SPOCK3: variants seen among roughly 807,000 people sequenced by gnomAD.
SPOCK3 encodes the protein testican-3.
In SPOCK3, 30 loss-of-function variants were observed where a neutral mutation model predicts 56.6. That is an observed-to-expected ratio of 0.53 (90% CI 0.40 to 0.72). The LOEUF is 0.72. Among genes scored for constraint, SPOCK3 ranks in the 30% least tolerant of loss-of-function variants. The probability of loss-of-function intolerance (pLI) is 0.00; values close to 1 mark genes in which losing one functional copy is unlikely to be tolerated. For missense variants in SPOCK3, 527 were observed against 530.0 expected, an observed-to-expected ratio of 0.99 and a Z score of 0.06; for synonymous variants, 196 against 183.3, an observed-to-expected ratio of 1.07 and a Z score of -0.56.
chr4:166,825,616 GCAAAAACA>G (rs1745381063), intron 6 of SPOCK3, among the ~76,000 whole-genome samples: 1 of 152,020 alleles, frequency 6.6e-6, no homozygotes, highest in South Asian at 2.1e-4. Context: ...ATTCACAATT[GCAAAAACA>G]TGGAACCAGT....
chr4:166,931,141 C>T (rs1055900004), intron 4 of SPOCK3, among the ~76,000 whole-genome samples: 5 of 152,158 alleles, frequency 3.3e-5, no homozygotes, highest in Admixed American at 6.5e-5. Context: ...GCCACCACGC[C>T]CAGCTAATTT....
chr4:167,012,898 G>A (rs1330812129), intron 3 of SPOCK3, among the ~76,000 whole-genome samples: 2 of 152,088 alleles, frequency 1.3e-5, no homozygotes, highest in East Asian at 3.9e-4. Flanking sequence ...CTTGCCAGAT[G>A]TTATAATGAA....
chr4:166,888,444 G>A (rs1560975233), intron 6 of SPOCK3, among the ~76,000 whole-genome samples: 1 of 151,940 alleles, frequency 6.6e-6, no homozygotes, highest in African/African-American at 2.4e-5. Context: ...GAGGTGCTGA[G>A]GGCTGGAGCT....
chr4:167,119,153 A>T (rs954828502), intron 2 of SPOCK3, among the ~76,000 whole-genome samples: 1 of 150,338 alleles, frequency 6.7e-6, no homozygotes, highest in Admixed American at 6.7e-5. Context: ...AGGGGGGGGA[A>T]CACCATTTCC....
At chr4:167,091,354 C>T (rs1036434710) in intron 2 of SPOCK3, among the ~76,000 whole-genome samples, 3 of 152,124 alleles carry the variant, frequency 2.0e-5, no homozygotes, top group Non-Finnish European at 4.4e-5. Context: ...TATGTAGGAT[C>T]AGAGATTTTG....
At chr4:167,051,420 C>A (rs1754188316) in intron 3 of SPOCK3, among the ~76,000 whole-genome samples, 1 of 152,106 alleles carries the variant, frequency 6.6e-6, no homozygotes, top group Non-Finnish European at 1.5e-5. Flanking sequence ...AATATTGTTT[C>A]TTTCTTTGTT....
intron 6 of SPOCK3, among the ~76,000 whole-genome samples, chr4:166,830,866 C>T (rs1329961346): frequency 2.0e-5 from 3 of 152,232 alleles, no homozygotes; most frequent in Admixed American, 1.3e-4. Flanking sequence ...AGAACTTCCT[C>T]AAGGAAGAAA....
At chr4:166,741,757 TTC>T (rs1319057191) in intron 9 of SPOCK3, among the ~76,000 whole-genome samples, 2 of 152,178 alleles carry the variant, frequency 1.3e-5, no homozygotes, top group African/African-American at 4.8e-5. Flanking sequence ...GCTTAAATCT[TTC>T]TTTTTACTTA....
At chr4:167,083,873 C>G (rs572412499) in intron 2 of SPOCK3, among the ~76,000 whole-genome samples, 1 of 152,074 alleles carries the variant, frequency 6.6e-6, no homozygotes, top group Non-Finnish European at 1.5e-5. Flanking sequence ...TGTTATGTTA[C>G]ATTTTTCTAC....
At chr4:167,212,722 C>G (rs539721207) in intron 2 of SPOCK3, among the ~76,000 whole-genome samples, 12 of 152,166 alleles carry the variant, frequency 7.9e-5, no homozygotes, top group African/African-American at 2.9e-4. Flanking sequence ...ATTTCTCCAC[C>G]CACTACATCA....
At chr4:166,919,944 T>C (rs1738306719) in intron 4 of SPOCK3, among the ~76,000 whole-genome samples, 1 of 152,186 alleles carries the variant, frequency 6.6e-6, no homozygotes, top group Non-Finnish European at 1.5e-5. Flanking sequence ...TAAGGTTAGA[T>C]TTACATGTAT....
chr4:167,213,079 C>T (rs1580646131), intron 2 of SPOCK3, among the ~76,000 whole-genome samples: 1 of 152,212 alleles, frequency 6.6e-6, no homozygotes, highest in East Asian at 1.9e-4. Context: ...AATGTTAATA[C>T]TGCCACTGGC....
chr4:167,037,838 C>T (rs1752900405), intron 3 of SPOCK3, among the ~76,000 whole-genome samples: 1 of 152,224 alleles, frequency 6.6e-6, no homozygotes. Flanking sequence ...CTGAACTTGT[C>T]TGCACATCTA....
chr4:166,840,104 G>T (rs1389130214), intron 6 of SPOCK3, among the ~76,000 whole-genome samples: 2 of 152,194 alleles, frequency 1.3e-5, no homozygotes, highest in African/African-American at 4.8e-5. Flanking sequence ...AGAATTCCCA[G>T]TAATATCTTC....
chr4:167,110,118 A>T lies in SPOCK3; in HGVS notation c.190-47581T>A, dbSNP rs908616762. 3.3e-5 allele frequency among the ~76,000 whole-genome samples: 5 copies of T among 152,084 alleles called. No homozygotes were observed. The East Asian group carries it at 9.7e-4, about 29-fold the overall frequency. The stretch of plus-strand genomic sequence containing the variant: ...CACAAAGTTGCATGTAGTTGGAGGG[A>T]AGCACTCAGGCAAGAAAGCTTTGAC... On this transcript the variant is annotated intron_variant, in intron 2 of 10. Coordinates refer to ENST00000357545, the MANE Select transcript of SPOCK3 (RefSeq NM_001040159.2).
chr4:167,109,386 TATAAATATATATTTATATATAA>T (rs1561225282), intron 2 of SPOCK3, among the ~76,000 whole-genome samples: 1 of 26,266 alleles, frequency 3.8e-5, no homozygotes, highest in Non-Finnish European at 8.1e-5. Context: ...ATATAAAATA[TATAAATATATATTTATATATAA>T]ATATATATAT....
At chr4:166,855,368 T>C (rs1730540380) in intron 6 of SPOCK3, among the ~76,000 whole-genome samples, 1 of 148,714 alleles carries the variant, frequency 6.7e-6, no homozygotes, top group South Asian at 2.3e-4. Context: ...AATAGCCACC[T>C]ACAGAGACAA....
At chr4:167,090,508 A>AT (rs200671125) in intron 2 of SPOCK3, among the ~76,000 whole-genome samples, 1,476 of 145,568 alleles carry the variant, frequency 0.01, 19 homozygotes, top group African/African-American at 0.03. Context: ...ATATGGATTT[A>AT]TTTTTTTTTT....
chr4:167,198,263 G>A (rs1733162472), intron 2 of SPOCK3, among the ~76,000 whole-genome samples: 1 of 152,042 alleles, frequency 6.6e-6, no homozygotes, highest in Non-Finnish European at 1.5e-5. Flanking sequence ...AAAAATTAAA[G>A]TCTTTCTGTG....
Sources: allele counts gnomAD v4.1 joint callset (sites outside exome capture counted in the v4.1 genomes callset), GRCh38; gene constraint gnomAD v4.1.1; transcripts MANE v1.5; gene names NCBI Gene and HGNC (gene_info 2026-07-23, HGNC 2026-07-21).